RPS6KA6: variants seen among roughly 807,000 people sequenced by gnomAD.
The protein encoded by RPS6KA6 is ribosomal protein S6 kinase alpha-6.
RPS6KA6 carries 27 observed loss-of-function variants against 65.4 expected under a neutral mutation model. The ratio of observed to expected loss-of-function variants is 0.41; its 90% CI spans 0.30 to 0.57. The LOEUF (loss-of-function observed/expected upper bound fraction) is 0.57, where lower values mean the gene tolerates loss of function less well. RPS6KA6 is among the 20% of genes least tolerant of loss of function. The probability of loss-of-function intolerance (pLI) is 0.24; values close to 1 mark genes in which losing one functional copy is unlikely to be tolerated. For missense variants in RPS6KA6, 486 were observed against 555.6 expected (o/e 0.87, Z 1.26); for synonymous variants, 190 against 184.2 (o/e 1.03, Z -0.26).
intron 1 of RPS6KA6, among the ~76,000 whole-genome samples, chrX:84,182,340 AT>A (rs2035868897): frequency 8.9e-6 from 1 of 111,904 alleles, no homozygotes; most frequent in Non-Finnish European, 1.9e-5. Flanking sequence ...ATCCTTGGAA[AT>A]AACATAAATG....
intron 1 of RPS6KA6, among the ~76,000 whole-genome samples, chrX:84,178,698 A>C (rs1411748781): frequency 1.8e-5 from 2 of 111,579 alleles, no homozygotes; most frequent in African/African-American, 6.5e-5. Flanking sequence ...TCTTTTCAAC[A>C]AATGGTGGCA....
chrX:84,151,048 GAGGATAGATATAT>G lies in RPS6KA6; in HGVS notation c.259-2938_259-2926del, dbSNP rs1448242893. On this transcript the variant is annotated intron_variant, in intron 3 of 21. Transcript: ENST00000262752. ...GATATATAGAGAGGATATATATATA[GAGGATAGATATAT>G]AGAGGATAGATATATAGAGGATAGA... Among the ~76,000 whole-genome samples the G allele has an allele frequency of 1.3e-4, 11 of 84,901 alleles. 1 individual carries two copies. Among genetic ancestry groups the G allele is most frequent in the Admixed American group, 5.8e-4 (4 of 6,937 alleles). The allele number at this position is 84,901 out of a possible 115,157, so 73.7% of individuals were successfully genotyped here.
chrX:84,172,385 A>G (rs1200828336), intron 1 of RPS6KA6, among the ~76,000 whole-genome samples: 1 of 111,853 alleles, frequency 8.9e-6, no homozygotes, highest in Non-Finnish European at 1.9e-5. Context: ...CCCTCTCAAC[A>G]TGAATTATCA....
chrX:84,070,534 C>T (rs1377485278), intron 20 of RPS6KA6, among the ~76,000 whole-genome samples: 1 of 110,363 alleles, frequency 9.1e-6, no homozygotes, highest in African/African-American at 3.3e-5. Context: ...ACGTTCTGCA[C>T]AAGTATTCCA....
rs1037398780 is a variant in RPS6KA6 at position 84,060,977 on chromosome X, T to C, written c.*3300A>G. 8 of 112,308 alleles carry C rather than the reference T, an allele frequency of 7.1e-5. No individual in the cohort carries two copies. Among genetic ancestry groups the C allele is most frequent in the African/African-American group, 2.6e-4 (8 of 30,881 alleles). The allele number at this position is 112,308 out of a possible 1,213,427, so 9.3% of individuals were successfully genotyped here. The stretch of plus-strand genomic sequence containing the variant: ...TTCTGATAGAATGGATATCCTGATT[T>C]GGGGAAGAGGAAGAGGAAGGAACAA... On this transcript the variant is annotated 3_prime_UTR_variant, in exon 22 of 22. Coordinates refer to ENST00000262752, the MANE Select transcript of RPS6KA6 (RefSeq NM_014496.5).
At chrX:84,185,963 C>T in intron 1 of RPS6KA6, 1 of 481,597 alleles carries the variant, frequency 2.1e-6, no homozygotes, top group African/African-American at 2.3e-5. Flanking sequence ...TTAGTTTTCA[C>T]CTATAATATT....
intron 12 of RPS6KA6, among the ~76,000 whole-genome samples, chrX:84,110,097 C>A (rs1160888892): frequency 8.9e-6 from 1 of 112,010 alleles, no homozygotes; most frequent in Admixed American, 9.4e-5. Flanking sequence ...AGGTTCCACC[C>A]AGAAACAACT....
At chrX:84,147,105 C>T (rs1266789177) in intron 4 of RPS6KA6, 47 bp from the exon 5 acceptor site, 1 of 681,765 alleles carries the variant, frequency 1.5e-6, no homozygotes, top group East Asian at 3.4e-5. Flanking sequence ...TACATCATTT[C>T]AGTTAAGAGT....
rs776460295 is a variant in RPS6KA6 at position 84,104,539 on chromosome X, T to C, written c.1574A>G (p.Tyr525Cys). The C allele has an allele frequency of 1.7e-6, 2 of 1,178,427 alleles. No homozygotes were observed. Among genetic ancestry groups the C allele is most frequent in the Non-Finnish European group, 2.3e-6 (2 of 877,155 alleles). The change falls in exon 17 of 22, where the codon TAT (tyrosine) becomes TGT (cysteine). Residue 525 changes from tyrosine to cysteine, a missense_variant. Coordinates refer to ENST00000262752, the MANE Select transcript of RPS6KA6 (RefSeq NM_014496.5). Reference sequence around the variant, plus strand: ...ATAGTCAACTGTCTTACTTATTACATATAGTATATCACTAGCCTCCCGTTC... The same window carrying C: ...ATAGTCAACTGTCTTACTTATTACACATAGTATATCACTAGCCTCCCGTTC... ...FSEREASDIL[Y>C]VISKTVDYLH...
chrX:84,158,817 A>G (rs1025949660), intron 2 of RPS6KA6, among the ~76,000 whole-genome samples: 1 of 111,595 alleles, frequency 9.0e-6, no homozygotes, highest in Non-Finnish European at 1.9e-5. Context: ...CTGGTTGCCC[A>G]TAAGAATCAC....
chrX:84,084,202 CTTTAG>C (rs1212724382), intron 20 of RPS6KA6, among the ~76,000 whole-genome samples: 3 of 112,353 alleles, frequency 2.7e-5, no homozygotes, highest in Non-Finnish European at 5.6e-5. Context: ...TGAAGAAGCT[CTTTAG>C]TTTAATTAGA....
chrX:84,123,564 G>C (rs755578303), intron 8 of RPS6KA6, among the ~76,000 whole-genome samples: 4 of 112,645 alleles, frequency 3.6e-5, no homozygotes, highest in African/African-American at 1.3e-4. Flanking sequence ...CCTGCTATGG[G>C]CTGCTGGTGC....
Position 84,167,935 on chromosome X carries a change from A to C in RPS6KA6, c.82-3548T>G, listed in dbSNP as rs760208922. Among the ~76,000 whole-genome samples, 8 of 111,547 alleles carry C rather than the reference A, an allele frequency of 7.2e-5. No homozygotes were observed. In the South Asian group the frequency reaches 3.0e-3, roughly 42 times the overall value. On this transcript the variant is annotated intron_variant, in intron 1 of 21. Transcript: ENST00000262752. ...TTTACTATATGAAAAATTGGAAACC[A>C]ATTTATTAAAAAGTAAATTAGCATT... is the stretch of plus-strand genomic sequence containing the variant.
intron 12 of RPS6KA6, among the ~76,000 whole-genome samples, chrX:84,114,886 T>C (rs1248674010): frequency 1.8e-5 from 2 of 111,674 alleles, no homozygotes; most frequent in Non-Finnish European, 3.8e-5. Context: ...CACATGGTAT[T>C]GGGAAAATTG....
intron 20 of RPS6KA6, among the ~76,000 whole-genome samples, chrX:84,069,990 A>G (rs1780373132): frequency 8.9e-6 from 1 of 112,058 alleles, no homozygotes; most frequent in Non-Finnish European, 1.9e-5. Context: ...ACCATTGTGG[A>G]AGACAGTGTG....
chrX:84,146,730 C>T (rs1018305936), intron 5 of RPS6KA6, among the ~76,000 whole-genome samples: 4 of 111,572 alleles, frequency 3.6e-5, no homozygotes, highest in African/African-American at 1.3e-4. Flanking sequence ...TACTACCAGA[C>T]AGGTAAGTGA....
Position 84,145,537 on chromosome X carries a change from G to A in RPS6KA6, c.442C>T (p.Leu148=), listed in dbSNP as rs754653789. ...CTGAGAAAATCCAGTATTAAGTACA[G>A]TTTCCCTTCAGTCTGAAAGGCTAAT... ...LHYAFQTEGK[L]YLILDFLRGG... Residue 148 remains leucine (L), a synonymous_variant, in exon 6 of 22, where the codon CTG becomes TTG. Transcript: ENST00000262752. 1 of 1,137,433 alleles carries A rather than the reference G, an allele frequency of 8.8e-7. No homozygotes were observed. The highest frequency in any genetic ancestry group is 1.2e-6 in the Non-Finnish European group (1 of 850,153). 93.7% of individuals were successfully genotyped at this position (1,137,433 alleles called of 1,213,427 possible). A position where few individuals can be genotyped will look rare whatever the true frequency, so the allele number is the denominator to read the frequency against.
chrX:84,167,975 C>T (rs1351949621), intron 1 of RPS6KA6, among the ~76,000 whole-genome samples: 3 of 111,187 alleles, frequency 2.7e-5, no homozygotes, highest in African/African-American at 6.5e-5. Flanking sequence ...ACTCAACTAG[C>T]ATCTCTATTC....
intron 12 of RPS6KA6, among the ~76,000 whole-genome samples, chrX:84,114,813 T>C (rs1190611157): frequency 2.7e-5 from 3 of 111,824 alleles, no homozygotes; most frequent in Non-Finnish European, 3.8e-5. Context: ...TGCATACCTA[T>C]AGCCATCTGA....
Sources: gnomAD v4.1 joint callset for allele counts (sites outside exome capture counted in the v4.1 genomes callset) on GRCh38, gnomAD v4.1.1 for gene constraint, MANE v1.5 for transcripts, NCBI Gene and HGNC (gene_info 2026-07-23, HGNC 2026-07-21) for gene names.